NXN: variants seen among roughly 807,000 people sequenced by gnomAD.
The protein encoded by NXN is nucleoredoxin 1.
Under a neutral mutation model 48.6 loss-of-function variants are expected in NXN, and 16 were observed. The observed-to-expected ratio is 0.33, with a 90% CI of 0.22 to 0.50. The LOEUF is 0.50. Among genes scored for constraint, NXN ranks in the 20% least tolerant of loss-of-function variants. The probability of loss-of-function intolerance (pLI) is 0.98; values close to 1 mark genes in which losing one functional copy is unlikely to be tolerated. For missense variants in NXN, 492 were observed against 605.5 expected (o/e 0.81, Z 1.97); for synonymous variants, 281 against 269.6 (o/e 1.04, Z -0.41).
chr17:836,478 T>C (rs1265733567), intron 1 of NXN, among the ~76,000 whole-genome samples: 2 of 152,168 alleles, frequency 1.3e-5, no homozygotes, highest in Non-Finnish European at 2.9e-5. Context: ...AAATGTGCTC[T>C]CACCCTTTCT....
chr17:879,585 C>A (rs1322787285), intron 1 of NXN, among the ~76,000 whole-genome samples: 1 of 152,036 alleles, frequency 6.6e-6, no homozygotes, highest in Non-Finnish European at 1.5e-5. Context: ...CCGCGCCCGG[C>A]CACGAGTCTG....
At chr17:951,479 T>G (rs1430807284) in intron 1 of NXN, among the ~76,000 whole-genome samples, 1 of 151,228 alleles carries the variant, frequency 6.6e-6, no homozygotes, top group African/African-American at 2.4e-5. Context: ...TCTGTTGAGA[T>G]GCTCACGCTC....
intron 1 of NXN, among the ~76,000 whole-genome samples, chr17:903,896 C>G (rs1000458772): frequency 5.9e-5 from 9 of 152,140 alleles, no homozygotes; most frequent in African/African-American, 2.2e-4. Context: ...CCCTCCGAAG[C>G]CAACCTCACC....
At chr17:897,191 C>T (rs1225287295) in intron 1 of NXN, among the ~76,000 whole-genome samples, 1 of 152,126 alleles carries the variant, frequency 6.6e-6, no homozygotes. Flanking sequence ...TGCAGGGAGG[C>T]GAATGCTCTG....
chr17:947,647 T>C (rs2069058603), intron 1 of NXN, among the ~76,000 whole-genome samples: 1 of 148,566 alleles, frequency 6.7e-6, no homozygotes, highest in African/African-American at 2.5e-5. Flanking sequence ...GCAGGGGAAC[T>C]GCTTGAACGC....
intron 1 of NXN, among the ~76,000 whole-genome samples, chr17:948,639 C>A (rs1003087087): frequency 1.3e-5 from 2 of 151,992 alleles, no homozygotes; most frequent in Non-Finnish European, 2.9e-5. Context: ...AACCATCACT[C>A]GGTGCTTCAC....
intron 1 of NXN, among the ~76,000 whole-genome samples, chr17:962,521 A>G (rs2069249911): frequency 6.6e-6 from 1 of 152,190 alleles, no homozygotes; most frequent in Non-Finnish European, 1.5e-5. Context: ...TACAAAAATT[A>G]GCCAGTCTCA....
Position 887,614 on chromosome 17 carries a change from C to A in NXN, c.361-61536G>T, listed in dbSNP as rs138621924. ...GAACCAGCCATAAGGTAAACAAATA[C>A]AAAGAAAGTGTGTGCTCGCCAATTA... On this transcript the variant is annotated intron_variant, in intron 1 of 7. Transcript: ENST00000336868. 1.8e-3 allele frequency among the ~76,000 whole-genome samples: 271 copies of A among 152,190 alleles called. 1 individual carries two copies. The highest frequency in any genetic ancestry group is 6.0e-3 in the African/African-American group (248 of 41,542).
chr17:825,943 C>A lies in NXN; in HGVS notation c.478+18G>T. The A allele has an allele frequency of 6.5e-7, 1 of 1,527,530 alleles. No homozygotes were observed. Among genetic ancestry groups the A allele is most frequent in the Non-Finnish European group, 9.0e-7 (1 of 1,108,168 alleles). 94.6% of individuals were successfully genotyped at this position (1,527,530 alleles called of 1,614,324 possible). A position where few individuals can be genotyped will look rare whatever the true frequency, so the allele number is the denominator to read the frequency against. Reference sequence around the variant, plus strand: ...GGCTGGGTAATAAGAGGACCATATGCACGGGCTGAGGTTTTACCTTCTGGG... The same window carrying A: ...GGCTGGGTAATAAGAGGACCATATGAACGGGCTGAGGTTTTACCTTCTGGG... On this transcript the variant is annotated intron_variant, in intron 2 of 7. Coordinates refer to ENST00000336868, the MANE Select transcript of NXN (RefSeq NM_022463.5). The surrounding 1 kb of genome is among the most constrained non-coding windows in gnomAD (Gnocchi z 4.1).
intron 5 of NXN, among the ~76,000 whole-genome samples, chr17:809,853 C>T (rs1402866761): frequency 2.0e-5 from 3 of 151,568 alleles, no homozygotes; most frequent in Admixed American, 6.6e-5. Context: ...GTGCGAGCGG[C>T]GGGCACCTTA....
At chr17:819,766 C>T (rs1034942087) in intron 4 of NXN, among the ~76,000 whole-genome samples, 4 of 152,012 alleles carry the variant, frequency 2.6e-5, no homozygotes, top group African/African-American at 4.8e-5. Context: ...CCGGCTAAGA[C>T]GCCAGCCCAC....
chr17:876,228 G>T (rs1427854389), intron 1 of NXN, among the ~76,000 whole-genome samples: 1 of 142,580 alleles, frequency 7.0e-6, no homozygotes, highest in Non-Finnish European at 1.5e-5. Flanking sequence ...GAGAAAGAAA[G>T]AAAGAAAGGA....
At chr17:868,739 G>A (rs577906283) in intron 1 of NXN, among the ~76,000 whole-genome samples, 9 of 152,182 alleles carry the variant, frequency 5.9e-5, no homozygotes, top group South Asian at 2.1e-4. Context: ...TGATCCGCCC[G>A]CCTCGGCCTC....
chr17:853,668 C>T (rs1295302955), intron 1 of NXN, among the ~76,000 whole-genome samples: 1 of 148,944 alleles, frequency 6.7e-6, no homozygotes, highest in Non-Finnish European at 1.5e-5. Flanking sequence ...TAGTACTCTT[C>T]CTTTACAGTA....
At chr17:937,975 G>T (rs912593352) in intron 1 of NXN, among the ~76,000 whole-genome samples, 1 of 152,240 alleles carries the variant, frequency 6.6e-6, no homozygotes, top group African/African-American at 2.4e-5. Flanking sequence ...CGCAGGGGCC[G>T]TCGCTGAAGA....
intron 1 of NXN, among the ~76,000 whole-genome samples, chr17:835,118 C>A (rs899890648): frequency 2.0e-5 from 3 of 151,224 alleles, no homozygotes; most frequent in Admixed American, 6.6e-5. Flanking sequence ...ACCATCCTGG[C>A]TAACATGGTG....
chr17:821,772 A>C (rs71358514), intron 4 of NXN, among the ~76,000 whole-genome samples: 3,638 of 151,676 alleles, frequency 0.024, 65 homozygotes, highest in Middle Eastern at 0.054. Flanking sequence ...AAAAAACAAA[A>C]AACAGCCATC....
chr17:959,523 G>A (rs932002252), intron 1 of NXN, among the ~76,000 whole-genome samples: 12 of 151,528 alleles, frequency 7.9e-5, no homozygotes, highest in Admixed American at 2.0e-4. Flanking sequence ...TAGGCCAGGC[G>A]CAGTGGCTCA....
Position 920,458 on chromosome 17 carries a change from C to G in NXN, c.360+58861G>C, listed in dbSNP as rs1458406075. On this transcript the variant is annotated intron_variant, in intron 1 of 7. Transcript: ENST00000336868. The surrounding 1 kb of genome is among the most constrained non-coding windows in gnomAD (Gnocchi z 4.6). ...CCGAGCCTGCCTGATCCCAATTCCT[C>G]CAGCGTTCTCCTCCCAGGGTTCCGC... Among the ~76,000 whole-genome samples, 1 of 152,040 alleles carries G rather than the reference C, an allele frequency of 6.6e-6. No individual in the cohort carries two copies. Among genetic ancestry groups the G allele is most frequent in the Non-Finnish European group, 1.5e-5 (1 of 68,014 alleles).
Sources: allele counts gnomAD v4.1 joint callset (sites outside exome capture counted in the v4.1 genomes callset), GRCh38; gene constraint gnomAD v4.1.1; non-coding constraint Gnocchi (gnomAD v3.1); transcripts MANE v1.5; gene names NCBI Gene and HGNC (gene_info 2026-07-23, HGNC 2026-07-21).